Variants in PHF20 observed in about 807,000 individuals in gnomAD.
PHF20 encodes glioma-expressed antigen 2.
A neutral mutation model predicts 113.5 loss-of-function variants in PHF20; 23 were observed. The ratio of observed to expected loss-of-function variants is 0.20; its 90% CI spans 0.15 to 0.29. PHF20 has a LOEUF of 0.29. PHF20 is among the 10% of genes least tolerant of loss of function. PHF20 has a pLI of 1.00. For synonymous variants in PHF20, 434 were observed against 457.3 expected, an observed-to-expected ratio of 0.95 and a Z score of 0.65; for missense variants, 943 against 1,219.6, an observed-to-expected ratio of 0.77 and a Z score of 3.38.
At chr20:35,869,942 CT>C (rs2054388187) in intron 7 of PHF20, among the ~76,000 whole-genome samples, 2 of 150,978 alleles carry the variant, frequency 1.3e-5, no homozygotes, top group African/African-American at 4.9e-5. Flanking sequence ...GGTGGATCAT[CT>C]GAGGTCAGGA....
chr20:35,878,466 CA>C (rs1267853507), intron 9 of PHF20: 15 of 562,838 alleles, frequency 2.7e-5, no homozygotes, highest in African/African-American at 2.5e-4. Context: ...TGTCGACAAA[CA>C]CAGATGTTTC....
chr20:35,862,031 C>T (rs2054227212), intron 5 of PHF20, among the ~76,000 whole-genome samples: 1 of 152,112 alleles, frequency 6.6e-6, no homozygotes, highest in Non-Finnish European at 1.5e-5. Flanking sequence ...CTAGAGCTTT[C>T]AGACCTGGCC....
At chr20:35,801,666 TAGA>T (rs2041783888) in intron 2 of PHF20, 61 bp downstream of exon 2, 1 of 1,069,238 alleles carries the variant, frequency 9.4e-7, no homozygotes, top group African/African-American at 1.6e-5. Flanking sequence ...CCAGCACTGA[TAGA>T]GTGGTAGCTT....
chr20:35,806,072 C>T (rs2146874090), intron 2 of PHF20, among the ~76,000 whole-genome samples: 1 of 151,914 alleles, frequency 6.6e-6, no homozygotes, highest in South Asian at 2.1e-4. Flanking sequence ...ACTGTGTTGG[C>T]CAGGATGGTC....
rs2042876363 is a variant in PHF20 at position 35,858,378 on chromosome 20, T to C, written c.417T>C (p.Asp139=). 6.4e-7 allele frequency: 1 copy of C among 1,565,468 alleles called. No individual in the cohort carries two copies. Among genetic ancestry groups the C allele is most frequent in the East Asian group, 2.3e-5 (1 of 44,388 alleles). The part of the protein sequence containing the change: ...KHIHVKAFSK[D]QNIVGNARPK... ...TTCATGTCAAAGCTTTTTCCAAAGATCAGGTGAGAAATGTGGTTTTGTGCT... is the reference window on the plus strand; with the variant it reads ...TTCATGTCAAAGCTTTTTCCAAAGACCAGGTGAGAAATGTGGTTTTGTGCT... The change falls in exon 5 of 18, where the codon GAT becomes GAC. Residue 139 remains aspartate, a synonymous_variant. Coordinates refer to ENST00000374012, the MANE Select transcript of PHF20 (RefSeq NM_016436.5).
intron 9 of PHF20, among the ~76,000 whole-genome samples, chr20:35,882,153 C>T (rs2054647051): frequency 6.6e-6 from 1 of 152,086 alleles, no homozygotes; most frequent in Non-Finnish European, 1.5e-5. Flanking sequence ...ACAAATTACC[C>T]ATAATGGTTT....
chr20:35,880,786 C>T (rs2054614594), intron 9 of PHF20, among the ~76,000 whole-genome samples: 1 of 151,918 alleles, frequency 6.6e-6, no homozygotes, highest in Non-Finnish European at 1.5e-5. Context: ...CATAGTGAAA[C>T]CCTTTCTCTA....
chr20:35,928,742 T>C (rs1327006847), intron 14 of PHF20: 1 of 152,194 alleles, frequency 6.6e-6, no homozygotes, highest in African/African-American at 2.4e-5. Context: ...TTGGGGGCTA[T>C]TGGAGGGTTA....
chr20:35,941,073 T>C, intron 17 of PHF20, 26 bp downstream of exon 17: 1 of 1,595,472 alleles, frequency 6.3e-7, no homozygotes, highest in Non-Finnish European at 8.6e-7. Flanking sequence ...TGGCCCCCTG[T>C]GCATTGGCAT....
At chr20:35,877,383 A>G (rs1392543082) in intron 9 of PHF20, among the ~76,000 whole-genome samples, 2 of 147,914 alleles carry the variant, frequency 1.4e-5, no homozygotes. Flanking sequence ...GCAAATATTT[A>G]GCAAGTGCCT....
At chr20:35,799,514 TG>T (rs1227134783) in intron 1 of PHF20, among the ~76,000 whole-genome samples, 1 of 151,894 alleles carries the variant, frequency 6.6e-6, no homozygotes, top group Non-Finnish European at 1.5e-5. Flanking sequence ...AGAGTTAGGC[TG>T]GGGTAAGTCT....
chr20:35,792,473 G>A (rs982766702), intron 1 of PHF20, among the ~76,000 whole-genome samples: 1 of 152,102 alleles, frequency 6.6e-6, no homozygotes, highest in Admixed American at 6.6e-5. Context: ...ACAGGCGTGA[G>A]CCACCGTGCC....
At position 35,801,616 on chromosome 20, in the gene PHF20, A is replaced by AT. The variant is rs767138293; in HGVS notation, c.83+16dup. On this transcript the variant is annotated intron_variant, in intron 2 of 17. Coordinates refer to ENST00000374012, the MANE Select transcript of PHF20 (RefSeq NM_016436.5). ...CCGTTTAAAAAACTGGTACTTTTAC[A>AT]TTTTTCTGTTAATTAAAGCCCTTCA... The AT allele has an allele frequency of 1.3e-6, 2 of 1,591,640 alleles. No individual in the cohort carries two copies.
At chr20:35,787,812 G>A (rs1190670080) in intron 1 of PHF20, among the ~76,000 whole-genome samples, 2 of 151,308 alleles carry the variant, frequency 1.3e-5, no homozygotes, top group South Asian at 2.1e-4. Context: ...ACAGAGTTTC[G>A]CTCTGTCTCC....
chr20:35,832,680 G>C (rs1002551913), intron 2 of PHF20, among the ~76,000 whole-genome samples: 2 of 152,112 alleles, frequency 1.3e-5, no homozygotes, highest in Non-Finnish European at 1.5e-5. Flanking sequence ...GTGTGTTTGA[G>C]GAATTGAAAG....
chr20:35,927,844 A>G lies in PHF20; in HGVS notation c.2069A>G (p.Glu690Gly). 1.2e-6 allele frequency: 2 copies of G among 1,613,970 alleles called. No individual in the cohort carries two copies. Among genetic ancestry groups the G allele is most frequent in the Non-Finnish European group, 1.7e-6 (2 of 1,179,812 alleles). ...CMGLLEENVP[E>G]KYTCYVCQDP... is the part of the protein sequence containing the mutation. Reference sequence around the variant, plus strand: ...GGATTACTGGAAGAAAATGTGCCCGAGAAATACACCTGTTATGTTTGCCAA... The same window carrying G: ...GGATTACTGGAAGAAAATGTGCCCGGGAAATACACCTGTTATGTTTGCCAA... Residue 690 changes from glutamate to glycine, a missense_variant, in exon 14 of 18, where the codon GAG becomes GGG. Physicochemically the swap from Glu to Gly is moderately conservative, Grantham distance 98. Around this residue, in one of 3 missense-constraint regions of PHF20, gnomAD observed 349 missense variants for 412.3 expected, o/e 0.85. Coordinates refer to ENST00000374012, the MANE Select transcript of PHF20 (RefSeq NM_016436.5).
chr20:35,853,757 C>CT (rs775477393), intron 4 of PHF20, among the ~76,000 whole-genome samples: 6,787 of 140,424 alleles, frequency 0.048, 520 homozygotes, highest in African/African-American at 0.16. Context: ...CTATTTCTTT[C>CT]TTTTTTTTTT....
At chr20:35,946,271 C>T (rs2056081164) in intron 17 of PHF20, among the ~76,000 whole-genome samples, 1 of 150,738 alleles carries the variant, frequency 6.6e-6, no homozygotes, top group South Asian at 2.1e-4. Flanking sequence ...GAGTTTGAGA[C>T]CAAAATACAA....
chr20:35,939,208 C>A, intron 16 of PHF20, 100 bp downstream of exon 16: 1 of 1,300,438 alleles, frequency 7.7e-7, no homozygotes, highest in Non-Finnish European at 1.0e-6. Context: ...ATTAATAAAA[C>A]TGTATTTAAA....
Sources: gnomAD v4.1 joint callset for allele counts (sites outside exome capture counted in the v4.1 genomes callset) on GRCh38, gnomAD v4.1.1 for gene constraint, gnomAD v4.1.1 regional missense constraint, MANE v1.5 for transcripts, NCBI Gene and HGNC (gene_info 2026-07-23, HGNC 2026-07-21) for gene names.